Variants in RABGAP1L observed in about 807,000 individuals in gnomAD.
RABGAP1L encodes rab GTPase-activating protein 1-like.
In RABGAP1L, 63 loss-of-function variants were observed where a neutral mutation model predicts 137.7. The ratio of observed to expected loss-of-function variants is 0.46; its 90% CI spans 0.37 to 0.56. The LOEUF (loss-of-function observed/expected upper bound fraction) is 0.56, where lower values mean the gene tolerates loss of function less well. Among genes scored for constraint, RABGAP1L ranks in the 20% least tolerant of loss-of-function variants. RABGAP1L has a pLI of 0.00. For missense variants in RABGAP1L, 1,095 were observed against 1,244.0 expected (o/e 0.88, Z 1.80); for synonymous variants, 431 against 433.7 (o/e 0.99, Z 0.08).
Position 174,459,755 on chromosome 1 carries a change from G to A in RABGAP1L, c.1710+65610G>A, listed in dbSNP as rs894264008. Among the ~76,000 whole-genome samples, 103 of 152,152 alleles carry A rather than the reference G, an allele frequency of 6.8e-4. 1 individual carries two copies. Among genetic ancestry groups the A allele is most frequent in the African/African-American group, 2.3e-3 (95 of 41,536 alleles). ...TGGATGTGAACCCTATGAATATGGA[G>A]GACTGACTGTATATGCTTTTATGCT... is the stretch of plus-strand genomic sequence containing the variant. On this transcript the variant is annotated intron_variant, in intron 13 of 25. Transcript: ENST00000681986.
intron 11 of RABGAP1L, among the ~76,000 whole-genome samples, chr1:174,321,246 A>T (rs186101755): frequency 6.6e-6 from 1 of 152,182 alleles, no homozygotes; most frequent in African/African-American, 2.4e-5. Flanking sequence ...ATCAATGACA[A>T]TGTGTGCCCA....
chr1:174,178,025 A>G (rs1262199200), intron 1 of RABGAP1L, among the ~76,000 whole-genome samples: 1 of 152,178 alleles, frequency 6.6e-6, no homozygotes, highest in African/African-American at 2.4e-5. Context: ...AAGAAAGTCA[A>G]TGGTAGCTTG....
At chr1:174,590,540 C>A (rs1485210873) in intron 13 of RABGAP1L, among the ~76,000 whole-genome samples, 1 of 97,630 alleles carries the variant, frequency 1.0e-5, no homozygotes, top group Non-Finnish European at 2.0e-5. Context: ...GTGCTATTCC[C>A]CTTCCTGTGT....
chr1:174,247,990 A>T (rs1172201594), intron 5 of RABGAP1L, among the ~76,000 whole-genome samples: 1 of 152,202 alleles, frequency 6.6e-6, no homozygotes, highest in African/African-American at 2.4e-5. Flanking sequence ...CAGACAGTAG[A>T]CTTTATATTT....
chr1:174,386,195 C>G (rs935951350), intron 12 of RABGAP1L, among the ~76,000 whole-genome samples: 1 of 152,140 alleles, frequency 6.6e-6, no homozygotes, highest in Non-Finnish European at 1.5e-5. Context: ...AGTGTACTTA[C>G]TATGTGCCAG....
chr1:174,416,519 A>G (rs1650609040), intron 13 of RABGAP1L, among the ~76,000 whole-genome samples: 3 of 152,130 alleles, frequency 2.0e-5, no homozygotes. Flanking sequence ...ATTGGGTTAG[A>G]ATATTTTGGT....
At chr1:174,578,563 G>T (rs1668530019) in intron 13 of RABGAP1L, among the ~76,000 whole-genome samples, 2 of 151,994 alleles carry the variant, frequency 1.3e-5, no homozygotes, top group South Asian at 4.1e-4. Context: ...ATATGACTTT[G>T]TAGTATCACT....
intron 19 of RABGAP1L, among the ~76,000 whole-genome samples, chr1:174,828,807 C>T (rs1691834466): frequency 6.8e-6 from 1 of 147,992 alleles, no homozygotes; most frequent in Admixed American, 6.8e-5. Flanking sequence ...GCAATTCCTA[C>T]ACTAGAGCAC....
chr1:174,643,889 A>G (rs957341890), intron 14 of RABGAP1L, among the ~76,000 whole-genome samples: 4 of 151,500 alleles, frequency 2.6e-5, no homozygotes, highest in African/African-American at 9.7e-5. Flanking sequence ...TTAGCAACCC[A>G]AAGTTGAAAA....
intron 17 of RABGAP1L, among the ~76,000 whole-genome samples, chr1:174,739,893 C>T (rs922629178): frequency 6.6e-6 from 1 of 152,206 alleles, no homozygotes; most frequent in East Asian, 1.9e-4. Context: ...TTAAGATTTA[C>T]TACGCAATAT....
intron 14 of RABGAP1L, among the ~76,000 whole-genome samples, chr1:174,672,364 T>C (rs1413965451): frequency 6.7e-6 from 1 of 149,138 alleles, no homozygotes; most frequent in Non-Finnish European, 1.5e-5. Flanking sequence ...CACTGCAACC[T>C]CTGCCTCCCG....
intron 17 of RABGAP1L, among the ~76,000 whole-genome samples, chr1:174,717,141 G>A (rs1175436351): frequency 6.6e-6 from 1 of 152,168 alleles, no homozygotes; most frequent in East Asian, 1.9e-4. Context: ...CAGGTGCAGT[G>A]GCTCAGGCCT....
intron 5 of RABGAP1L, among the ~76,000 whole-genome samples, chr1:174,249,601 CTT>C (rs199661095): frequency 1.4e-5 from 2 of 140,120 alleles, no homozygotes. Flanking sequence ...TGAAAGATAG[CTT>C]TTTTTTTTTT....
chr1:174,162,803 T>A (rs78680997), intron 1 of RABGAP1L, among the ~76,000 whole-genome samples: 67 of 100,852 alleles, frequency 6.6e-4, no homozygotes, highest in Middle Eastern at 0.011. Context: ...TTTTTTTTTT[T>A]AATTATACTT....
At chr1:174,439,569 TC>T (rs1299161206) in intron 13 of RABGAP1L, among the ~76,000 whole-genome samples, 1 of 152,182 alleles carries the variant, frequency 6.6e-6, no homozygotes, top group African/African-American at 2.4e-5. Context: ...AGTGAAATAC[TC>T]AGTTTAGTTT....
At chr1:174,223,809 T>G (rs889246198) in intron 3 of RABGAP1L, among the ~76,000 whole-genome samples, 2 of 152,164 alleles carry the variant, frequency 1.3e-5, no homozygotes, top group African/African-American at 4.8e-5. Context: ...TATTATGTAT[T>G]AAGATAGACT....
intron 8 of RABGAP1L, among the ~76,000 whole-genome samples, chr1:174,274,554 C>T (rs971269984): frequency 6.6e-6 from 1 of 151,712 alleles, no homozygotes; most frequent in South Asian, 2.1e-4. Context: ...AAAGAAATCA[C>T]TTAATGACAC....
At chr1:174,616,962 T>C (rs1417030530) in intron 13 of RABGAP1L, among the ~76,000 whole-genome samples, 2 of 152,090 alleles carry the variant, frequency 1.3e-5, no homozygotes, top group Non-Finnish European at 2.9e-5. Context: ...AAATAAATGG[T>C]AGTTGAAGTC....
At chr1:174,220,715 C>G (rs1315908965) in intron 2 of RABGAP1L, 1 of 257,002 alleles carries the variant, frequency 3.9e-6, no homozygotes, top group African/African-American at 2.2e-5. Context: ...TAAATAGGAT[C>G]TTATATAAAA....
Sources: gnomAD v4.1 joint callset for allele counts (sites outside exome capture counted in the v4.1 genomes callset) on GRCh38, gnomAD v4.1.1 for gene constraint, MANE v1.5 for transcripts, NCBI Gene and HGNC (gene_info 2026-07-23, HGNC 2026-07-21) for gene names.